PRDM16: variants seen among roughly 807,000 people sequenced by gnomAD.
PRDM16 encodes the protein histone-lysine N-methyltransferase PRDM16.
A neutral mutation model predicts 110.6 loss-of-function variants in PRDM16; 23 were observed. That is an observed-to-expected ratio of 0.21 (90% CI 0.15 to 0.29). The LOEUF is 0.29. Ranked by LOEUF, PRDM16 falls within the 10% of genes least tolerant of loss-of-function variation. The pLI is 1.00. For synonymous variants in PRDM16, 799 were observed against 781.8 expected (o/e 1.02, Z -0.37); for missense variants, 1,615 against 1,794.3 (o/e 0.90, Z 1.81).
At chr1:3,071,905 T>C (rs1037902838) in intron 1 of PRDM16, among the ~76,000 whole-genome samples, 6 of 152,236 alleles carry the variant, frequency 3.9e-5, no homozygotes, top group African/African-American at 1.4e-4. Context: ...GAGACCCCAC[T>C]CCAAGCCTCA....
intron 2 of PRDM16, among the ~76,000 whole-genome samples, chr1:3,192,189 C>T (rs1557518194): frequency 6.6e-6 from 1 of 152,180 alleles, no homozygotes; most frequent in Non-Finnish European, 1.5e-5. Context: ...TAATTTTTGC[C>T]TAAAGTCCTA....
At chr1:3,250,365 G>A (rs1292517902) in intron 3 of PRDM16, among the ~76,000 whole-genome samples, 1 of 152,172 alleles carries the variant, frequency 6.6e-6, no homozygotes, top group Non-Finnish European at 1.5e-5. Context: ...CCCTTCACAG[G>A]CTGATAAGGG....
intron 2 of PRDM16, among the ~76,000 whole-genome samples, chr1:3,224,660 C>T (rs1181309938): frequency 1.3e-5 from 2 of 152,236 alleles, no homozygotes; most frequent in Non-Finnish European, 2.9e-5. Context: ...TGGCCACCTG[C>T]ATTAGGCGGC....
intron 2 of PRDM16, among the ~76,000 whole-genome samples, chr1:3,199,179 C>A (rs1377863296): frequency 6.6e-6 from 1 of 152,194 alleles, no homozygotes; most frequent in African/African-American, 2.4e-5. Flanking sequence ...TTTCAACAGG[C>A]ACCTCTGGAT....
chr1:3,239,134 G>T (rs780095128), intron 2 of PRDM16, among the ~76,000 whole-genome samples: 14 of 152,204 alleles, frequency 9.2e-5, no homozygotes, highest in Non-Finnish European at 1.5e-4. Flanking sequence ...ATTTGGAAAA[G>T]AAAATTAAGA....
chr1:3,382,530 G>T lies in PRDM16; in HGVS notation c.439-2622G>T, dbSNP rs974962634. Among the ~76,000 whole-genome samples, 2 of 152,212 alleles carry T rather than the reference G, an allele frequency of 1.3e-5. No individual in the cohort carries two copies. Among genetic ancestry groups the T allele is most frequent in the Non-Finnish European group, 2.9e-5 (2 of 68,038 alleles). ...CCTGCCCTGAGTCCTGAACAGCAGG[G>T]TGGCCACAGACTCCCCACCAAAGCG... is the stretch of plus-strand genomic sequence containing the variant. On this transcript the variant is annotated intron_variant, in intron 3 of 16. Coordinates refer to ENST00000270722, the MANE Select transcript of PRDM16 (RefSeq NM_022114.4). The surrounding 1 kb of genome is among the most constrained non-coding windows in gnomAD (Gnocchi z 6.6).
Position 3,434,964 on chromosome 1 carries a change from TGTGCCTGAGACTCCGGATGGACGACACA to T in PRDM16, c.*1156_*1183del. The T allele has an allele frequency of 4.4e-6, 1 of 229,370 alleles. No individual in the cohort carries two copies. The highest frequency in any genetic ancestry group is 8.6e-6 in the Non-Finnish European group (1 of 115,628). 14.2% of individuals were successfully genotyped at this position (229,370 alleles called of 1,614,324 possible). ...TCGCTCCGGGCCACCAAGCCGCACC[TGTGCCTGAGACTCCGGATGGACGACACA>T]GTCGTCACGTCGCTCTTCCTGCGGG... is the stretch of plus-strand genomic sequence containing the variant. On this transcript the variant is annotated 3_prime_UTR_variant, in exon 17 of 17. Coordinates refer to ENST00000270722, the MANE Select transcript of PRDM16 (RefSeq NM_022114.4).
rs1238674492 is a variant in PRDM16, at chr1:3,437,658, A to T, written c.*3847A>T. Reference sequence around the variant, plus strand: ...GATACTGTGACAAAACCATCCTTGCATTCTTCCTAGAAGAGTTCCTCTGCT... The same window carrying T: ...GATACTGTGACAAAACCATCCTTGCTTTCTTCCTAGAAGAGTTCCTCTGCT... On this transcript the variant is annotated 3_prime_UTR_variant, in exon 17 of 17. Transcript: ENST00000270722. 2 of 226,596 alleles carry T rather than the reference A, an allele frequency of 8.8e-6. No individual in the cohort carries two copies. The highest frequency in any genetic ancestry group is 4.5e-5 in the African/African-American group (2 of 44,902). The allele number at this position is 226,596 out of a possible 1,614,324, so 14.0% of individuals were successfully genotyped here.
intron 1 of PRDM16, among the ~76,000 whole-genome samples, chr1:3,176,618 TATCC>T (rs1644093342): frequency 6.8e-6 from 1 of 147,748 alleles, no homozygotes; most frequent in South Asian, 2.2e-4. Flanking sequence ...TCCATTCATC[TATCC>T]ATCCATCCAT....
chr1:3,335,725 T>A (rs1020009291), intron 3 of PRDM16, among the ~76,000 whole-genome samples: 1 of 152,194 alleles, frequency 6.6e-6, no homozygotes, highest in Non-Finnish European at 1.5e-5. Context: ...CCGTTCTTTC[T>A]GGCATCCTGG....
At chr1:3,108,137 C>A (rs1569571839) in intron 1 of PRDM16, among the ~76,000 whole-genome samples, 2 of 152,262 alleles carry the variant, frequency 1.3e-5, no homozygotes, top group African/African-American at 4.8e-5. Context: ...TGAAATCTTA[C>A]ATTCGTAGGA....
intron 3 of PRDM16, among the ~76,000 whole-genome samples, chr1:3,315,629 G>T (rs1641583753): frequency 6.6e-6 from 1 of 152,124 alleles, no homozygotes; most frequent in East Asian, 1.9e-4. Flanking sequence ...GAGAGGAGGG[G>T]CCTGAGCGCT....
intron 3 of PRDM16, among the ~76,000 whole-genome samples, chr1:3,261,723 C>T (rs997976016): frequency 1.3e-5 from 2 of 152,278 alleles, no homozygotes; most frequent in Non-Finnish European, 2.9e-5. Context: ...CTCCACTCCT[C>T]CTGTGTCAGG....
chr1:3,117,060 C>T lies in PRDM16; in HGVS notation c.37+47764C>T, dbSNP rs550097674. Reference sequence around the variant, plus strand: ...TGGGCACAGCTGCCCCCAGGACCCACGGGAAGGGCTAGAGCAAGGGGCTCC... The same window carrying T: ...TGGGCACAGCTGCCCCCAGGACCCATGGGAAGGGCTAGAGCAAGGGGCTCC... On this transcript the variant is annotated intron_variant, in intron 1 of 16. Transcript: ENST00000270722. Among the ~76,000 whole-genome samples, 3 of 152,334 alleles carry T rather than the reference C, an allele frequency of 2.0e-5. No individual in the cohort carries two copies. In the East Asian group the frequency reaches 5.8e-4, roughly 29 times the overall value.
At chr1:3,113,541 C>A (rs1642844900) in intron 1 of PRDM16, among the ~76,000 whole-genome samples, 1 of 152,184 alleles carries the variant, frequency 6.6e-6, no homozygotes, top group Non-Finnish European at 1.5e-5. Context: ...AAGGCCGAGG[C>A]CTGAGCCAGC....
At chr1:3,305,994 C>T (rs1299741983) in intron 3 of PRDM16, among the ~76,000 whole-genome samples, 3 of 152,234 alleles carry the variant, frequency 2.0e-5, no homozygotes, top group African/African-American at 4.8e-5. Context: ...GTCCCAAGCT[C>T]GAGGCATCCT....
intron 3 of PRDM16, among the ~76,000 whole-genome samples, chr1:3,324,023 C>T (rs939011669): frequency 6.6e-6 from 1 of 152,208 alleles, no homozygotes; most frequent in African/African-American, 2.4e-5. Flanking sequence ...GTGGGGGCTG[C>T]CACCCTCCCT....
rs547572214 is a variant in PRDM16, at chr1:3,097,120, C to G, written c.37+27824C>G. On this transcript the variant is annotated intron_variant, in intron 1 of 16. Transcript: ENST00000270722. The stretch of plus-strand genomic sequence containing the variant: ...GGCCGGGATTCTAGGGAGAGCGGTG[C>G]CGAGAAGTTGCCCTCGTAGCCAAGG... Among the ~76,000 whole-genome samples, 242 of 152,226 alleles carry G rather than the reference C, an allele frequency of 1.6e-3. 1 individual carries two copies. Among genetic ancestry groups the G allele is most frequent in the African/African-American group, 5.4e-3 (226 of 41,548 alleles).
chr1:3,178,254 C>A (rs1644111746), intron 1 of PRDM16, among the ~76,000 whole-genome samples: 1 of 150,576 alleles, frequency 6.6e-6, no homozygotes, highest in Non-Finnish European at 1.5e-5. Context: ...AGACTTGAAG[C>A]TTTTGGAGGC....
Sources: gnomAD v4.1 joint callset for allele counts (sites outside exome capture counted in the v4.1 genomes callset) on GRCh38, gnomAD v4.1.1 for gene constraint, Gnocchi (gnomAD v3.1) non-coding constraint, MANE v1.5 for transcripts, NCBI Gene and HGNC (gene_info 2026-07-23, HGNC 2026-07-21) for gene names.